Variants in COL25A1 observed in about 807,000 individuals in gnomAD.
The protein encoded by COL25A1 is collagen type XXV alpha 1 chain, also known as collagen alpha-1(XXV) chain.
COL25A1 carries 103 observed loss-of-function variants against 128.4 expected under a neutral mutation model. That is an observed-to-expected ratio of 0.80 (90% CI 0.68 to 0.94). COL25A1 has a LOEUF of 0.94. COL25A1 is among the 40% of genes least tolerant of loss of function. The pLI is 0.00. For synonymous variants in COL25A1, 279 were observed against 277.2 expected (o/e 1.01, Z -0.06); for missense variants, 745 against 840.0 (o/e 0.89, Z 1.40).
intron 3 of COL25A1, among the ~76,000 whole-genome samples, chr4:109,065,960 C>T (rs1309736449): frequency 2.6e-5 from 4 of 152,166 alleles, no homozygotes; most frequent in Admixed American, 6.5e-5. Flanking sequence ...CACATGCTAT[C>T]GGTCATTTAA....
At chr4:108,958,053 T>A (rs971969269) in intron 8 of COL25A1, among the ~76,000 whole-genome samples, 1 of 152,202 alleles carries the variant, frequency 6.6e-6, no homozygotes, top group Admixed American at 6.6e-5. Context: ...TTGTCTTTTT[T>A]ATTTTTTAAC....
chr4:109,291,941 G>A (rs1362844323), intron 3 of COL25A1, among the ~76,000 whole-genome samples: 1 of 152,080 alleles, frequency 6.6e-6, no homozygotes, highest in Non-Finnish European at 1.5e-5. Context: ...GATATTATAT[G>A]AATAGTCACT....
intron 3 of COL25A1, among the ~76,000 whole-genome samples, chr4:109,168,861 T>A (rs1475845942): frequency 6.6e-6 from 1 of 152,206 alleles, no homozygotes; most frequent in East Asian, 1.9e-4. Context: ...TCTCTTGATG[T>A]GAATTCATTG....
At chr4:108,998,412 T>C (rs1053102810) in intron 6 of COL25A1, among the ~76,000 whole-genome samples, 3 of 152,308 alleles carry the variant, frequency 2.0e-5, no homozygotes, top group Non-Finnish European at 2.9e-5. Context: ...TTACAAGGGA[T>C]GTGAAGGACC....
At chr4:109,259,148 C>A (rs758729382) in intron 3 of COL25A1, among the ~76,000 whole-genome samples, 1 of 152,082 alleles carries the variant, frequency 6.6e-6, no homozygotes, top group Non-Finnish European at 1.5e-5. Context: ...TAGTACTGCA[C>A]CTTACATAAA....
chr4:108,901,223 A>G (rs766972991), intron 13 of COL25A1, 51 bp from the exon 14 acceptor site: 1 of 1,226,990 alleles, frequency 8.2e-7, no homozygotes, highest in South Asian at 1.2e-5. Flanking sequence ...AAATCAATAC[A>G]TTACATGGAT....
At chr4:109,096,356 C>T (rs1579351822) in intron 3 of COL25A1, among the ~76,000 whole-genome samples, 1 of 152,136 alleles carries the variant, frequency 6.6e-6, no homozygotes, top group Non-Finnish European at 1.5e-5. Flanking sequence ...ATTCTTATTG[C>T]TTAGTGATGT....
intron 3 of COL25A1, among the ~76,000 whole-genome samples, chr4:109,289,407 CT>C (rs1299493196): frequency 6.6e-6 from 1 of 152,030 alleles, no homozygotes; most frequent in Non-Finnish European, 1.5e-5. Flanking sequence ...AATTTTACAT[CT>C]GTATGAAACT....
At chr4:108,820,418 C>T (rs1188046742) in intron 35 of COL25A1, among the ~76,000 whole-genome samples, 1 of 152,210 alleles carries the variant, frequency 6.6e-6, no homozygotes, top group Admixed American at 6.5e-5. Context: ...ATTGATATTA[C>T]TTGTGTAACT....
chr4:109,025,764 C>A (rs550696098), intron 5 of COL25A1, among the ~76,000 whole-genome samples: 2 of 152,188 alleles, frequency 1.3e-5, no homozygotes, highest in African/African-American at 2.4e-5. Context: ...GACCACTACA[C>A]AACACCAAGA....
intron 3 of COL25A1, among the ~76,000 whole-genome samples, chr4:109,132,238 C>G (rs1003245200): frequency 2.0e-5 from 3 of 152,092 alleles, no homozygotes; most frequent in African/African-American, 7.2e-5. Context: ...ATATAATACA[C>G]ACACACATGC....
chr4:108,957,993 C>T (rs1247655086), intron 8 of COL25A1, among the ~76,000 whole-genome samples: 1 of 152,126 alleles, frequency 6.6e-6, no homozygotes, highest in Non-Finnish European at 1.5e-5. Context: ...ATGCATTCAA[C>T]TCTTTCCCAT....
intron 3 of COL25A1, among the ~76,000 whole-genome samples, chr4:109,244,933 A>G (rs1023053394): frequency 6.6e-6 from 1 of 152,154 alleles, no homozygotes; most frequent in Admixed American, 6.5e-5. Context: ...TATAATCTCT[A>G]TTCAAATAGC....
chr4:109,132,788 T>C (rs1309140781), intron 3 of COL25A1, among the ~76,000 whole-genome samples: 1 of 152,134 alleles, frequency 6.6e-6, no homozygotes, highest in African/African-American at 2.4e-5. Context: ...ACACTTCTAA[T>C]AATACAATTC....
chr4:109,088,796 G>A (rs1019626022), intron 3 of COL25A1, among the ~76,000 whole-genome samples: 1 of 152,176 alleles, frequency 6.6e-6, no homozygotes, highest in African/African-American at 2.4e-5. Flanking sequence ...TGAGGTTACT[G>A]GTGATTTGGA....
intron 8 of COL25A1, among the ~76,000 whole-genome samples, chr4:108,970,943 A>G (rs1258615821): frequency 6.6e-6 from 1 of 152,088 alleles, no homozygotes; most frequent in Non-Finnish European, 1.5e-5. Context: ...AAAAATCACA[A>G]ATGGAATATT....
chr4:108,920,321 A>T (rs1745354109), intron 12 of COL25A1, among the ~76,000 whole-genome samples: 2 of 152,242 alleles, frequency 1.3e-5, no homozygotes, highest in Non-Finnish European at 2.9e-5. Flanking sequence ...CCAGTATTTG[A>T]ATTAAAATTC....
chr4:109,257,874 A>T (rs185511333), intron 3 of COL25A1, among the ~76,000 whole-genome samples: 2 of 152,340 alleles, frequency 1.3e-5, no homozygotes, highest in Non-Finnish European at 2.9e-5. Context: ...GGAGAACCAA[A>T]ATTTAACAAT....
rs1350184048 is a variant in COL25A1 at position 108,878,279 on chromosome 4, T to C, written c.1020+5899A>G. ...CTCTAGTATACCAGGTTAAAGCAGG[T>C]AATATTTTCCATGATATTTATTACC... is the stretch of plus-strand genomic sequence containing the variant. On this transcript the variant is annotated intron_variant, in intron 19 of 37. Coordinates refer to ENST00000399132, the MANE Select transcript of COL25A1 (RefSeq NM_198721.4). 2.0e-5 allele frequency among the ~76,000 whole-genome samples: 3 copies of C among 151,940 alleles called. No individual in the cohort carries two copies. The South Asian group carries it at 6.2e-4, about 32-fold the overall frequency.
Sources: allele counts gnomAD v4.1 joint callset (sites outside exome capture counted in the v4.1 genomes callset), GRCh38; gene constraint gnomAD v4.1.1; transcripts MANE v1.5; gene names NCBI Gene and HGNC (gene_info 2026-07-23, HGNC 2026-07-21).